Variants in HDAC8 observed in about 807,000 individuals in gnomAD.
HDAC8 encodes histone deacetylase 8, also known as histone deacetylase-like 1.
A neutral mutation model predicts 32.2 loss-of-function variants in HDAC8; 1 was observed. The observed-to-expected ratio is 0.03, with a 90% CI of 0.01 to 0.15. HDAC8 has a LOEUF of 0.15. HDAC8 is among the 10% of genes least tolerant of loss of function. The pLI is 1.00. For synonymous variants in HDAC8, 108 were observed against 113.9 expected, an observed-to-expected ratio of 0.95 and a Z score of 0.33; for missense variants, 117 against 300.0, an observed-to-expected ratio of 0.39 and a Z score of 4.51.
intron 9 of HDAC8, among the ~76,000 whole-genome samples, chrX:72,361,422 C>T: frequency 9.0e-6 from 1 of 111,570 alleles, no homozygotes; most frequent in South Asian, 3.8e-4. Context: ...CAAGATCTCA[C>T]TCTGTCACCC....
At chrX:72,469,587 C>T (rs1311797800) in intron 7 of HDAC8, among the ~76,000 whole-genome samples, 1 of 112,308 alleles carries the variant, frequency 8.9e-6, no homozygotes, top group African/African-American at 3.2e-5. Context: ...TCCTTAAACC[C>T]TTGGATGAAC....
intron 9 of HDAC8, among the ~76,000 whole-genome samples, chrX:72,431,263 CTG>C (rs1365213803): frequency 2.7e-5 from 3 of 112,273 alleles, no homozygotes; most frequent in East Asian, 5.6e-4. Flanking sequence ...CTGAAGAAAA[CTG>C]TATCACTGGA....
intron 9 of HDAC8, among the ~76,000 whole-genome samples, chrX:72,415,184 A>G (rs1295447405): frequency 8.9e-6 from 1 of 112,373 alleles, no homozygotes; most frequent in Non-Finnish European, 1.9e-5. Flanking sequence ...AGTACTATTT[A>G]TTGAAAAGGC....
chrX:72,331,464 T>C (rs782522029), intron 10 of HDAC8, among the ~76,000 whole-genome samples: 4 of 111,492 alleles, frequency 3.6e-5, no homozygotes, highest in Non-Finnish European at 7.5e-5. Flanking sequence ...GAATGCCATA[T>C]AAATGCAATC....
chrX:72,410,487 G>T (rs1198482366), intron 9 of HDAC8, among the ~76,000 whole-genome samples: 1 of 111,673 alleles, frequency 9.0e-6, no homozygotes, highest in African/African-American at 3.3e-5. Context: ...TAGAGTAGGT[G>T]CAGAGAAAGA....
At chrX:72,508,391 T>C (rs781934048) in intron 4 of HDAC8, among the ~76,000 whole-genome samples, 1 of 112,296 alleles carries the variant, frequency 8.9e-6, no homozygotes, top group East Asian at 2.8e-4. Flanking sequence ...TTATGCCCAT[T>C]GAACAAATGA....
intron 9 of HDAC8, among the ~76,000 whole-genome samples, chrX:72,371,999 C>G (rs965287783): frequency 9.0e-6 from 1 of 111,030 alleles, no homozygotes; most frequent in South Asian, 3.9e-4. Flanking sequence ...TGCTCAGGAC[C>G]AAACTTGAAT....
intron 9 of HDAC8, among the ~76,000 whole-genome samples, chrX:72,391,699 C>T (rs1347042973): frequency 7.2e-5 from 8 of 111,551 alleles, no homozygotes; most frequent in Admixed American, 6.7e-4. Context: ...ACACACTGTT[C>T]CCTCTGCTTG....
chrX:72,520,846 A>C (rs935617085), intron 4 of HDAC8, among the ~76,000 whole-genome samples: 6 of 112,215 alleles, frequency 5.3e-5, no homozygotes, highest in Non-Finnish European at 9.4e-5. Flanking sequence ...TGAAGAGTCC[A>C]GGCTAGTTCA....
intron 9 of HDAC8, among the ~76,000 whole-genome samples, chrX:72,379,822 T>C (rs185122361): frequency 9.0e-6 from 1 of 111,074 alleles, no homozygotes; most frequent in African/African-American, 3.3e-5. Flanking sequence ...CTTTTCTAAA[T>C]TAATTCTGCA....
intron 4 of HDAC8, among the ~76,000 whole-genome samples, chrX:72,503,537 C>T (rs2049292191): frequency 8.9e-6 from 1 of 111,818 alleles, no homozygotes; most frequent in South Asian, 3.7e-4. Context: ...TAATTCATAA[C>T]TATCTAGTAG....
intron 4 of HDAC8, among the ~76,000 whole-genome samples, chrX:72,500,258 A>T (rs1375721151): frequency 1.8e-5 from 2 of 111,380 alleles, no homozygotes; most frequent in African/African-American, 6.5e-5. Flanking sequence ...AGGAGGAGGG[A>T]CTCTTCCTCG....
intron 7 of HDAC8, among the ~76,000 whole-genome samples, chrX:72,476,154 T>C (rs2148077472): frequency 9.0e-6 from 1 of 111,449 alleles, no homozygotes; most frequent in South Asian, 3.8e-4. Context: ...TCCAGTGTTT[T>C]CATGGCACCT....
chrX:72,422,420 T>A (rs1461450003), intron 9 of HDAC8, among the ~76,000 whole-genome samples: 1 of 110,007 alleles, frequency 9.1e-6, no homozygotes, highest in Non-Finnish European at 1.9e-5. Context: ...CCAAGTGCAC[T>A]GATTCTGTCT....
chrX:72,571,647 A>G (rs1569415493), intron 2 of HDAC8, among the ~76,000 whole-genome samples: 1 of 88,906 alleles, frequency 1.1e-5, no homozygotes, highest in Non-Finnish European at 2.1e-5. Context: ...GCTCACTGCA[A>G]CCTTCACCTC....
chrX:72,441,961 G>T (rs1198215563), intron 9 of HDAC8, among the ~76,000 whole-genome samples: 2 of 111,377 alleles, frequency 1.8e-5, no homozygotes, highest in Non-Finnish European at 3.8e-5. Flanking sequence ...TGAATGAAAT[G>T]AAGTGAGAAG....
intron 9 of HDAC8, among the ~76,000 whole-genome samples, chrX:72,439,639 CA>C (rs782744436): frequency 0.037 from 1,348 of 36,195 alleles, 11 homozygotes; most frequent in Middle Eastern, 0.079. Flanking sequence ...AAATGGAAAG[CA>C]AAAAAAAAAA....
chrX:72,507,054 G>T (rs1418807725), intron 4 of HDAC8, among the ~76,000 whole-genome samples: 3 of 110,467 alleles, frequency 2.7e-5, no homozygotes, highest in African/African-American at 9.9e-5. Context: ...TTGCCATGTT[G>T]CCCAGGCTGG....
chrX:72,475,171 A>C (rs1345733190), intron 7 of HDAC8, among the ~76,000 whole-genome samples: 1 of 111,108 alleles, frequency 9.0e-6, no homozygotes, highest in Non-Finnish European at 1.9e-5. Context: ...CACTCTCAGC[A>C]CCCTCTAGAG....
Sources: gnomAD v4.1 joint callset for allele counts (sites outside exome capture counted in the v4.1 genomes callset) on GRCh38, gnomAD v4.1.1 for gene constraint, MANE v1.5 for transcripts, NCBI Gene and HGNC (gene_info 2026-07-23, HGNC 2026-07-21) for gene names.